The following CLXN variants were observed in gnomAD, a reference collection of about 807,000 sequenced individuals.
CLXN encodes EF-hand calcium binding domain 1.
the CLXN span, among the ~76,000 whole-genome samples, chr8:48,719,482 C>T: frequency 6.6e-6 from 1 of 152,098 alleles, no homozygotes; most frequent in African/African-American, 2.4e-5. Flanking sequence ...AACTACAAGC[C>T]AATATCCCTG....
At chr8:48,732,007 C>T in the CLXN span, among the ~76,000 whole-genome samples, 2 of 152,104 alleles carry the variant, frequency 1.3e-5, no homozygotes, top group Admixed American at 1.3e-4. Flanking sequence ...AATAAAAAAG[C>T]TTTAAAGCAT....
chr8:48,718,355 A>G, the CLXN span, among the ~76,000 whole-genome samples: 2 of 152,148 alleles, frequency 1.3e-5, no homozygotes, highest in Admixed American at 1.3e-4. Context: ...GAATAAATTT[A>G]TAGCAATACA....
At chr8:48,731,357 T>G in the CLXN span, 1 of 1,611,536 alleles carries the variant, frequency 6.2e-7, no homozygotes. Context: ...CCTCTGTCCA[T>G]AATCATGTCA....
chr8:48,719,089 G>A, the CLXN span, among the ~76,000 whole-genome samples: 42 of 151,426 alleles, frequency 2.8e-4, no homozygotes, highest in African/African-American at 8.9e-4. Flanking sequence ...AAATGAAAGA[G>A]GAGCCATTAC....
the CLXN span, among the ~76,000 whole-genome samples, chr8:48,712,990 C>CAAA: frequency 3.0e-5 from 3 of 99,544 alleles, no homozygotes; most frequent in African/African-American, 4.7e-5. Flanking sequence ...ACTCCTCTGT[C>CAAA]AAAAAAAAAA....
At chr8:48,725,313 T>C in the CLXN span, among the ~76,000 whole-genome samples, 7 of 152,094 alleles carry the variant, frequency 4.6e-5, no homozygotes, top group African/African-American at 1.4e-4. Context: ...GATTCAGGGG[T>C]AGATAGGAAG....
At chr8:48,729,644 A>G in the CLXN span, 2 of 1,338,288 alleles carry the variant, frequency 1.5e-6, no homozygotes, top group Non-Finnish European at 2.0e-6. Context: ...GAAAATTATA[A>G]TAATTTGAAT....
At chr8:48,722,639 G>T in the CLXN span, among the ~76,000 whole-genome samples, 1 of 151,938 alleles carries the variant, frequency 6.6e-6, no homozygotes, top group Admixed American at 6.6e-5. Flanking sequence ...GGCAATTACT[G>T]CCCCGTGCAT....
chr8:48,717,748 C>T, the CLXN span, among the ~76,000 whole-genome samples: 16 of 152,182 alleles, frequency 1.1e-4, no homozygotes, highest in Non-Finnish European at 2.2e-4. Context: ...TACAAGAACA[C>T]AAAATGTGTG....
At chr8:48,724,863 T>C in the CLXN span, 1 of 1,374,240 alleles carries the variant, frequency 7.3e-7, no homozygotes, top group South Asian at 1.2e-5. Context: ...CCACAAAATA[T>C]TCTGTATGTC....
the CLXN span, chr8:48,712,080 C>T: frequency 6.6e-6 from 1 of 152,198 alleles, no homozygotes; most frequent in Non-Finnish European, 1.5e-5. Flanking sequence ...GAAGACATGA[C>T]TAAATGGTTT....
At chr8:48,731,559 T>A in the CLXN span, 13 of 1,454,478 alleles carry the variant, frequency 8.9e-6, no homozygotes, top group Non-Finnish European at 1.2e-5. Flanking sequence ...AAGTTCTAAC[T>A]TAAATTTTGC....
the CLXN span, among the ~76,000 whole-genome samples, chr8:48,731,872 A>G: frequency 4.1e-4 from 62 of 152,268 alleles, no homozygotes; most frequent in East Asian, 0.011. Context: ...CATTTACGAG[A>G]TTTACAACTT....
chr8:48,727,539 T>C, the CLXN span, among the ~76,000 whole-genome samples: 69 of 152,144 alleles, frequency 4.5e-4, 1 homozygote, highest in East Asian at 1.9e-4. Flanking sequence ...GGGAAAGGGC[T>C]TCTGGACAGA....
the CLXN span, among the ~76,000 whole-genome samples, chr8:48,719,926 G>T: frequency 1.3e-5 from 2 of 152,188 alleles, no homozygotes; most frequent in Non-Finnish European, 2.9e-5. Flanking sequence ...ACAAGTAAAA[G>T]AAGTTAAAGC....
chr8:48,712,607 G>T, the CLXN span, among the ~76,000 whole-genome samples: 74 of 152,226 alleles, frequency 4.9e-4, no homozygotes, highest in Non-Finnish European at 4.4e-4. Context: ...CTGCTGCCTG[G>T]GCAGTGATGC....
chr8:48,720,993 G>T, the CLXN span, among the ~76,000 whole-genome samples: 1 of 152,100 alleles, frequency 6.6e-6, no homozygotes, highest in Middle Eastern at 3.2e-3. Context: ...AGAGAGGATG[G>T]AGTAAAATTA....
At chr8:48,730,503 A>G in the CLXN span, 3 of 1,377,698 alleles carry the variant, frequency 2.2e-6, no homozygotes, top group Non-Finnish European at 3.1e-6. Context: ...TATGTTATTC[A>G]TAATGTACGA....
chr8:48,732,216 T>C, the CLXN span, among the ~76,000 whole-genome samples: 1 of 152,138 alleles, frequency 6.6e-6, no homozygotes, highest in Non-Finnish European at 1.5e-5. Context: ...CATTTGAGAA[T>C]GTAGGTGGAA....
Sources: gnomAD v4.1 joint callset for allele counts (sites outside exome capture counted in the v4.1 genomes callset) on GRCh38, gnomAD v4.1.1 for gene constraint, MANE v1.5 for transcripts, NCBI Gene and HGNC (gene_info 2026-07-23, HGNC 2026-07-21) for gene names.